PLAGL2: variants seen among roughly 807,000 people sequenced by gnomAD.
PLAGL2 encodes zinc finger protein PLAGL2.
A neutral mutation model predicts 29.0 loss-of-function variants in PLAGL2; 7 were observed. That is an observed-to-expected ratio of 0.24 (90% CI 0.14 to 0.45). The LOEUF is 0.45. Ranked by LOEUF, PLAGL2 falls within the 20% of genes least tolerant of loss-of-function variation. The pLI is 0.99. For missense variants in PLAGL2, 454 were observed against 648.2 expected (o/e 0.70, Z 3.25); for synonymous variants, 234 against 266.0 (o/e 0.88, Z 1.17).
At chr20:32,199,453 G>A (rs1569140566) in intron 2 of PLAGL2, among the ~76,000 whole-genome samples, 2 of 152,200 alleles carry the variant, frequency 1.3e-5, no homozygotes, top group African/African-American at 2.4e-5. Context: ...AGATCACACA[G>A]TAAATTATAT....
rs1421729460 is a variant in PLAGL2, at chr20:32,197,684, TG to T, written c.261-3del. 1.2e-6 allele frequency: 2 copies of T among 1,612,190 alleles called. No homozygotes were observed. The highest frequency in any genetic ancestry group is 1.7e-5 in the Admixed American group (1 of 59,978). ...TGGGCTGAGTGGGTGGCCATGTGCC[TG>T]GGGGTAGAGACAGGGGATAGGGGAG... On this transcript the variant is annotated splice_region_variant and splice_polypyrimidine_tract_variant and intron_variant, in intron 2 of 2. Coordinates refer to ENST00000246229, the MANE Select transcript of PLAGL2 (RefSeq NM_002657.3). The surrounding 1 kb of genome is among the most constrained non-coding windows in gnomAD (Gnocchi z 6.6).
chr20:32,204,141 T>C (rs1600378143), intron 1 of PLAGL2, among the ~76,000 whole-genome samples: 1 of 152,176 alleles, frequency 6.6e-6, no homozygotes, highest in African/African-American at 2.4e-5. Context: ...CATGTTTAGA[T>C]TGGAGGGAAT....
In PLAGL2 at chr20:32,196,964, G is replaced by C. The variant is rs955173582; in HGVS notation, c.979C>G (p.Leu327Val). The C allele has an allele frequency of 4.3e-6, 7 of 1,614,146 alleles. No homozygotes were observed. In the African/African-American group the frequency reaches 8.0e-5, roughly 18 times the overall value. ...NTLPMGMSYP[L>V]ESSPISSPAQ... ...GGGGAAGAGATAGGTGAGGATTCCAGAGGGTAGCTCATACCCATGGGCAGC... is the reference window on the plus strand; with the variant it reads ...GGGGAAGAGATAGGTGAGGATTCCACAGGGTAGCTCATACCCATGGGCAGC... Residue 327 changes from leucine to valine, a missense_variant, in exon 3 of 3, where the codon CTG (leucine) becomes GTG (valine). By Grantham distance (32) the Leu-to-Val change is conservative (BLOSUM62 1). Coordinates refer to ENST00000246229, the MANE Select transcript of PLAGL2 (RefSeq NM_002657.3).
At position 32,202,150 on chromosome 20, in the gene PLAGL2, G is replaced by C. The variant is rs758788851; in HGVS notation, c.29C>G (p.Pro10Arg). 4.3e-5 allele frequency: 70 copies of C among 1,614,046 alleles called. No homozygotes were observed. Among genetic ancestry groups the C allele is most frequent in the African/African-American group, 6.7e-5 (5 of 74,928 alleles). Reference protein sequence around the residue: MTTFFTSVPPWIQDAKQEEE... With the variant: MTTFFTSVPRWIQDAKQEEE... ...CTCCTGCTTTGCATCTTGAATCCAG[G>C]GGGGGACGCTGGTGAAAAATGTGGT... The change falls in exon 2 of 3, where the codon CCC becomes CGC. Residue 10 changes from proline (P) to arginine (R), a missense_variant. Around this residue, in one of 4 missense-constraint regions of PLAGL2, gnomAD observed 89 missense variants for 90.4 expected, o/e 0.98. Coordinates refer to ENST00000246229, the MANE Select transcript of PLAGL2 (RefSeq NM_002657.3).
intron 1 of PLAGL2, among the ~76,000 whole-genome samples, chr20:32,205,346 C>T (rs971934195): frequency 1.3e-5 from 2 of 152,162 alleles, no homozygotes; most frequent in South Asian, 4.1e-4. Flanking sequence ...AACTAACCCT[C>T]GGCACATCCC....
intron 1 of PLAGL2, among the ~76,000 whole-genome samples, chr20:32,205,613 T>C (rs1272601333): frequency 6.6e-6 from 1 of 152,206 alleles, no homozygotes; most frequent in East Asian, 1.9e-4. Context: ...TTTATGGTGT[T>C]ACATCATCTC....
In PLAGL2 at chr20:32,196,843, G is replaced by A. The variant is rs1458483011; in HGVS notation, c.1100C>T (p.Pro367Leu). ...AGCGGATGAGAGAGACAGGCTTCCA[G>A]GAAGCTCCGCCAGAAAACTATCCAC... ...VEVDSFLAELPGSLSLSSAEP... is the reference protein window; with the variant it reads ...VEVDSFLAELLGSLSLSSAEP... Residue 367 changes from proline (P) to leucine (L), a missense_variant, in exon 3 of 3, where the codon CCT becomes CTT. Coordinates refer to ENST00000246229, the MANE Select transcript of PLAGL2 (RefSeq NM_002657.3). 1 of 1,613,918 alleles carries A rather than the reference G, an allele frequency of 6.2e-7. No homozygotes were observed.
At chr20:32,198,849 G>C (rs1600374876) in intron 2 of PLAGL2, among the ~76,000 whole-genome samples, 1 of 152,152 alleles carries the variant, frequency 6.6e-6, no homozygotes, top group Non-Finnish European at 1.5e-5. Context: ...CGAGTGTGAG[G>C]ATCATTCATT....
At chr20:32,201,867 T>C (rs1471380578) in intron 2 of PLAGL2, 52 bp downstream of exon 2, 4 of 1,526,106 alleles carry the variant, frequency 2.6e-6, no homozygotes, top group East Asian at 2.3e-5. Context: ...GTCTCTCTGC[T>C]TTTTCCCTCT....
At chr20:32,201,314 G>A (rs1017059907) in intron 2 of PLAGL2, among the ~76,000 whole-genome samples, 1 of 152,154 alleles carries the variant, frequency 6.6e-6, no homozygotes, top group Non-Finnish European at 1.5e-5. Flanking sequence ...GCTAAGTGCG[G>A]TGGCTCATGC....
chr20:32,196,950 A>T lies in PLAGL2; in HGVS notation c.993T>A (p.Pro331=), dbSNP rs1318630548. Residue 331 remains proline (P), a synonymous_variant, in exon 3 of 3, where the codon CCT becomes CCA. Transcript: ENST00000246229. ...MGMSYPLESS[P]ISSPAQLPPK... is the part of the protein sequence containing the mutation. ...GAGGGAGCTGAGCTGGGGAAGAGAT[A>T]GGTGAGGATTCCAGAGGGTAGCTCA... The T allele has an allele frequency of 3.7e-6, 6 of 1,614,104 alleles. No homozygotes were observed. Among genetic ancestry groups the T allele is most frequent in the African/African-American group, 2.7e-5 (2 of 74,942 alleles).
chr20:32,197,398 A>G lies in PLAGL2; in HGVS notation c.545T>C (p.Val182Ala). The change falls in exon 3 of 3, where the codon GTA becomes GCA. Residue 182 changes from valine (V) to alanine (A), a missense_variant. Val to Ala is a moderately conservative substitution (Grantham distance 64). Around this residue, in one of 4 missense-constraint regions of PLAGL2, gnomAD observed 111 missense variants for 173.1 expected, o/e 0.64. Coordinates refer to ENST00000246229, the MANE Select transcript of PLAGL2 (RefSeq NM_002657.3). This position sits in a 1 kb window ranked among gnomAD's most constrained non-coding sequence, Gnocchi z 6.6. ...CTTCTTCTCCTTGGCACCGCCTGCT[A>G]CCCGGCGTGAGTGGGCCTTCAGGTG... ...LEHLKAHSRR[V>A]AGGAKEKKHP... 1 of 1,611,738 alleles carries G rather than the reference A, an allele frequency of 6.2e-7. No homozygotes were observed. Among genetic ancestry groups the G allele is most frequent in the Non-Finnish European group, 8.5e-7 (1 of 1,179,644 alleles).
At position 32,197,659 on chromosome 20, in the gene PLAGL2, T is replaced by C; in HGVS notation, c.284A>G (p.Gln95Arg). 6.2e-7 allele frequency: 1 copy of C among 1,613,688 alleles called. No homozygotes were observed. ...ACAGTACATACACTGGTGGGGTTTC[T>C]GGGCTGAGTGGGTGGCCATGTGCCT... ...LYRHMATHSA[Q>R]KPHQCMYCDK... The change falls in exon 3 of 3, where the codon CAG (glutamine) becomes CGG (arginine). Residue 95 changes from glutamine (Q) to arginine (R), a missense_variant. Coordinates refer to ENST00000246229, the MANE Select transcript of PLAGL2 (RefSeq NM_002657.3). This position sits in a 1 kb window ranked among gnomAD's most constrained non-coding sequence, Gnocchi z 6.6.
rs1371575762 is a variant in PLAGL2 at position 32,195,534 on chromosome 20, A to T, written c.*918T>A. ...AACAGAATTGCAGACCTGTGAGAAAACTGCTCCAATCCTCTTGCCTGTCTT... is the reference window on the plus strand; with the variant it reads ...AACAGAATTGCAGACCTGTGAGAAATCTGCTCCAATCCTCTTGCCTGTCTT... On this transcript the variant is annotated 3_prime_UTR_variant, in exon 3 of 3. Coordinates refer to ENST00000246229, the MANE Select transcript of PLAGL2 (RefSeq NM_002657.3). The T allele has an allele frequency of 1.3e-5, 2 of 152,646 alleles. No homozygotes were observed. The highest frequency in any genetic ancestry group is 2.9e-5 in the Non-Finnish European group (2 of 68,044). The allele number at this position is 152,646 out of a possible 1,614,324, so 9.5% of individuals were successfully genotyped here. A position where few individuals can be genotyped will look rare whatever the true frequency, so the allele number is the denominator to read the frequency against.
In PLAGL2 at chr20:32,196,779, C is replaced by T. The variant is rs373499646; in HGVS notation, c.1164G>A (p.Ala388=). Residue 388 remains alanine (A), a synonymous_variant, in exon 3 of 3, where the codon GCG becomes GCA. Transcript: ENST00000246229. ...QPASPQPAAA[A]ALLDEALLAK... Reference sequence around the variant, plus strand: ...CAAGCAGTGCTTCATCTAGGAGGGCCGCAGCTGCCGCCGGCTGAGGTGAGG... The same window carrying T: ...CAAGCAGTGCTTCATCTAGGAGGGCTGCAGCTGCCGCCGGCTGAGGTGAGG... The T allele has an allele frequency of 5.2e-5, 83 of 1,607,468 alleles. No individual in the cohort carries two copies. In the Admixed American group the frequency reaches 1.0e-3, roughly 20 times the overall value.
chr20:32,201,713 A>G, intron 2 of PLAGL2, among the ~76,000 whole-genome samples: 1 of 152,254 alleles, frequency 6.6e-6, no homozygotes, highest in East Asian at 1.9e-4. Context: ...TTGGGGAGGC[A>G]ACCCATCAGA....
intron 1 of PLAGL2, among the ~76,000 whole-genome samples, chr20:32,205,105 G>A (rs1219254922): frequency 2.0e-5 from 3 of 151,992 alleles, no homozygotes; most frequent in Admixed American, 2.0e-4. Flanking sequence ...TGTAAGATTC[G>A]TATAGAGGAT....
At chr20:32,207,232 G>C (rs2047293651) in intron 1 of PLAGL2, among the ~76,000 whole-genome samples, 1 of 152,158 alleles carries the variant, frequency 6.6e-6, no homozygotes, top group Admixed American at 6.5e-5. Flanking sequence ...GGGGTTATGT[G>C]GGTCTGGGTA....
chr20:32,204,496 G>A (rs1190140137), intron 1 of PLAGL2, among the ~76,000 whole-genome samples: 3 of 152,220 alleles, frequency 2.0e-5, no homozygotes, highest in African/African-American at 4.8e-5. Context: ...CAGCAGCCAT[G>A]TGCTCACCTT....
Sources: gnomAD v4.1 joint callset for allele counts (sites outside exome capture counted in the v4.1 genomes callset) on GRCh38, gnomAD v4.1.1 for gene constraint, gnomAD v4.1.1 regional missense constraint, Gnocchi (gnomAD v3.1) non-coding constraint, MANE v1.5 for transcripts, NCBI Gene and HGNC (gene_info 2026-07-23, HGNC 2026-07-21) for gene names.